The following SOX6 variants were observed in gnomAD, a reference collection of about 807,000 sequenced individuals.
The protein encoded by SOX6 is SRY-box transcription factor 6, also known as transcription factor SOX-6.
In SOX6, 11 loss-of-function variants were observed where a neutral mutation model predicts 97.8. That is an observed-to-expected ratio of 0.11 (90% CI 0.07 to 0.19). SOX6 has a LOEUF of 0.19. Among genes scored for constraint, SOX6 ranks in the 10% least tolerant of loss-of-function variants. The pLI, the probability that SOX6 is intolerant of heterozygous loss-of-function variation, is 1.00. For synonymous variants in SOX6, 360 were observed against 371.4 expected, an observed-to-expected ratio of 0.97 and a Z score of 0.35; for missense variants, 810 against 1,039.5, an observed-to-expected ratio of 0.78 and a Z score of 3.04.
intron 1 of SOX6, among the ~76,000 whole-genome samples, chr11:16,388,799 T>C (rs1451895494): frequency 6.6e-6 from 1 of 152,160 alleles, no homozygotes; most frequent in African/African-American, 2.4e-5. Flanking sequence ...TGCCTGTACA[T>C]TTTTCTTGTT....
chr11:16,011,176 T>C (rs985057059), intron 13 of SOX6, among the ~76,000 whole-genome samples: 1 of 151,962 alleles, frequency 6.6e-6, no homozygotes, highest in African/African-American at 2.4e-5. Context: ...ATACGAAAAG[T>C]CCATAAAAAG....
chr11:16,670,212 C>T (rs1191496004), intron 3 of SOX6, among the ~76,000 whole-genome samples: 1 of 152,110 alleles, frequency 6.6e-6, no homozygotes, highest in Non-Finnish European at 1.5e-5. Context: ...CAGTTCTATC[C>T]CTGATGCCTT....
chr11:16,427,668 T>C (rs1859173933), intron 1 of SOX6, among the ~76,000 whole-genome samples: 1 of 152,238 alleles, frequency 6.6e-6, no homozygotes, highest in Admixed American at 6.5e-5. Flanking sequence ...CTCATCATTT[T>C]TTATGGCTGC....
At chr11:16,648,848 A>C (rs1357097193) in intron 3 of SOX6, among the ~76,000 whole-genome samples, 1 of 152,194 alleles carries the variant, frequency 6.6e-6, no homozygotes, top group African/African-American at 2.4e-5. Flanking sequence ...GGTGAAAACA[A>C]ACTTAAAAAT....
chr11:16,713,789 G>T (rs995190174), intron 3 of SOX6, among the ~76,000 whole-genome samples: 9 of 152,130 alleles, frequency 5.9e-5, no homozygotes, highest in Non-Finnish European at 7.4e-5. Context: ...CACTTCCCCA[G>T]CTCCTTCCAC....
intron 2 of SOX6, among the ~76,000 whole-genome samples, chr11:16,321,831 A>C (rs555184383): frequency 6.6e-6 from 1 of 152,196 alleles, no homozygotes; most frequent in Non-Finnish European, 1.5e-5. Flanking sequence ...CATGCTTAAC[A>C]ACAATGGGAG....
chr11:16,560,483 TTATA>T (rs1847798614), intron 4 of SOX6, among the ~76,000 whole-genome samples: 1 of 148,682 alleles, frequency 6.7e-6, no homozygotes, highest in African/African-American at 2.5e-5. Context: ...ACATATATGT[TTATA>T]CGTACATATA....
chr11:16,617,222 G>A (rs899721321), intron 3 of SOX6, among the ~76,000 whole-genome samples: 1 of 151,814 alleles, frequency 6.6e-6, no homozygotes, highest in Non-Finnish European at 1.5e-5. Context: ...AATGGGGGAA[G>A]GGAGGAAGAA....
chr11:16,638,221 C>G (rs1327203752), intron 3 of SOX6, among the ~76,000 whole-genome samples: 1 of 152,064 alleles, frequency 6.6e-6, no homozygotes, highest in African/African-American at 2.4e-5. Flanking sequence ...CATCTCCCTA[C>G]AAAGGACATG....
intron 1 of SOX6, among the ~76,000 whole-genome samples, chr11:16,449,562 G>A (rs778368165): frequency 2.0e-5 from 3 of 152,096 alleles, no homozygotes; most frequent in Admixed American, 1.3e-4. Flanking sequence ...AAAGTGTTGG[G>A]ATTACAGGCG....
At chr11:16,481,067 T>G (rs1418690252), upstream of SOX6, among the ~76,000 whole-genome samples, 1 of 152,156 alleles carries the variant, frequency 6.6e-6, no homozygotes, top group African/African-American at 2.4e-5. Context: ...GAGATGTGAT[T>G]GTTGCATTAA....
chr11:16,230,070 A>G (rs73418994), intron 4 of SOX6, among the ~76,000 whole-genome samples: 2,587 of 151,990 alleles, frequency 0.017, 69 homozygotes, highest in African/African-American at 0.058. Flanking sequence ...TATTTCAATG[A>G]CAAATTTGAA....
chr11:16,678,602 G>A (rs1352260558), intron 3 of SOX6, among the ~76,000 whole-genome samples: 3 of 152,182 alleles, frequency 2.0e-5, no homozygotes, highest in Non-Finnish European at 4.4e-5. Flanking sequence ...AGACTGGTTG[G>A]ACAGTGGGTA....
chr11:16,247,039 T>C (rs182626343), intron 3 of SOX6, among the ~76,000 whole-genome samples: 1 of 152,122 alleles, frequency 6.6e-6, no homozygotes, highest in South Asian at 2.1e-4. Context: ...CCATCAACTA[T>C]CCCCATTTTA....
At chr11:16,029,505 G>A (rs532388527) in intron 12 of SOX6, among the ~76,000 whole-genome samples, 87 of 152,102 alleles carry the variant, frequency 5.7e-4, no homozygotes, top group African/African-American at 2.0e-3. Flanking sequence ...GCGTGGTAGC[G>A]GGCTCCTGTA....
intron 4 of SOX6, among the ~76,000 whole-genome samples, chr11:16,546,008 G>C (rs1847617068): frequency 6.6e-6 from 1 of 151,860 alleles, no homozygotes; most frequent in Non-Finnish European, 1.5e-5. Flanking sequence ...TAAAGTTGCA[G>C]GATACAAAAT....
chr11:16,241,336 T>C (rs1460524382), intron 3 of SOX6, among the ~76,000 whole-genome samples: 1 of 152,080 alleles, frequency 6.6e-6, no homozygotes, highest in Non-Finnish European at 1.5e-5. Context: ...GGCCTTCAGA[T>C]GTGCCACAAT....
At chr11:16,321,813 T>C (rs1855935781) in intron 2 of SOX6, among the ~76,000 whole-genome samples, 1 of 152,172 alleles carries the variant, frequency 6.6e-6, no homozygotes, top group South Asian at 2.1e-4. Context: ...TCGCGTGTTA[T>C]GTTATACCAT....
intron 10 of SOX6, among the ~76,000 whole-genome samples, chr11:16,054,217 C>T (rs1381132688): frequency 6.6e-6 from 1 of 152,118 alleles, no homozygotes; most frequent in African/African-American, 2.4e-5. Flanking sequence ...TATAAAATGA[C>T]TTATTTATGT....
Sources: gnomAD v4.1 joint callset for allele counts (sites outside exome capture counted in the v4.1 genomes callset) on GRCh38, gnomAD v4.1.1 for gene constraint, MANE v1.5 for transcripts, NCBI Gene and HGNC (gene_info 2026-07-23, HGNC 2026-07-21) for gene names.